STRN: variants seen among roughly 807,000 people sequenced by gnomAD.
STRN encodes striatin.
Under a neutral mutation model 96.3 loss-of-function variants are expected in STRN, and 53 were observed. The ratio of observed to expected loss-of-function variants is 0.55; its 90% CI spans 0.44 to 0.69. The LOEUF is 0.69. Ranked by LOEUF, STRN falls within the 30% of genes least tolerant of loss-of-function variation. The pLI is 0.00. For missense variants in STRN, 987 were observed against 963.9 expected, an observed-to-expected ratio of 1.02 and a Z score of -0.32; for synonymous variants, 428 against 355.9, an observed-to-expected ratio of 1.20 and a Z score of -2.28.
At chr2:36,927,969 A>G (rs1208956994) in intron 1 of STRN, among the ~76,000 whole-genome samples, 3 of 152,222 alleles carry the variant, frequency 2.0e-5, no homozygotes, top group Non-Finnish European at 4.4e-5. Flanking sequence ...ATGACCACCT[A>G]AAGGAGACTG....
chr2:36,907,197 T>C (rs558044402), intron 3 of STRN, among the ~76,000 whole-genome samples: 1 of 152,322 alleles, frequency 6.6e-6, no homozygotes, highest in South Asian at 2.1e-4. Context: ...CTTTATAGGA[T>C]CTTATTCAAG....
intron 1 of STRN, among the ~76,000 whole-genome samples, chr2:36,933,424 AG>A (rs1670623946): frequency 6.6e-6 from 1 of 152,210 alleles, no homozygotes; most frequent in Non-Finnish European, 1.5e-5. Context: ...CATATGTAGA[AG>A]AAAAGAGAGA....
At chr2:36,887,167 G>A (rs540910407) in intron 7 of STRN, among the ~76,000 whole-genome samples, 5 of 151,262 alleles carry the variant, frequency 3.3e-5, no homozygotes, top group African/African-American at 7.3e-5. Flanking sequence ...GGTGGCTCAC[G>A]CCTATAATTC....
intron 10 of STRN, among the ~76,000 whole-genome samples, chr2:36,871,416 G>C (rs1668760278): frequency 6.6e-6 from 1 of 152,144 alleles, no homozygotes; most frequent in South Asian, 2.1e-4. Context: ...TTGTGTTACA[G>C]TTGCCTACAG....
intron 2 of STRN, among the ~76,000 whole-genome samples, chr2:36,919,659 G>C (rs766244890): frequency 3.3e-5 from 5 of 152,182 alleles, no homozygotes; most frequent in Non-Finnish European, 7.3e-5. Context: ...TATCATATTT[G>C]TGTTTTAGAA....
chr2:36,886,517 A>G (rs1229207829), intron 8 of STRN, among the ~76,000 whole-genome samples, 199 bp downstream of exon 8: 2 of 152,196 alleles, frequency 1.3e-5, no homozygotes, highest in African/African-American at 2.4e-5. Context: ...TTCCATAAGT[A>G]CATGTGGGTT....
Position 36,855,307 on chromosome 2 carries a change from C to T in STRN, c.1883G>A (p.Ser628Asn), listed in dbSNP as rs374304410. ...ASVDLVSSDPSHMVASFSKGY... is the reference protein window; with the variant it reads ...ASVDLVSSDPNHMVASFSKGY... ...CTTGCTGAATGATGCTACCATATGGCTCGGGTCACTGCTCACTAGATCCAC... is the reference window on the plus strand; with the variant it reads ...CTTGCTGAATGATGCTACCATATGGTTCGGGTCACTGCTCACTAGATCCAC... Residue 628 changes from serine (S) to asparagine (N), a missense_variant, in exon 15 of 18, where the codon AGC (serine) becomes AAC (asparagine). Coordinates refer to ENST00000263918, the MANE Select transcript of STRN (RefSeq NM_003162.4). 17 of 1,613,646 alleles carry T rather than the reference C, an allele frequency of 1.1e-5. No individual in the cohort carries two copies. Among genetic ancestry groups the T allele is most frequent in the African/African-American group, 1.3e-5 (1 of 74,870 alleles).
intron 1 of STRN, among the ~76,000 whole-genome samples, chr2:36,952,565 G>T (rs1282217442): frequency 6.6e-6 from 1 of 151,832 alleles, no homozygotes; most frequent in Non-Finnish European, 1.5e-5. Flanking sequence ...TCTCACCTAT[G>T]CATTTGGGAA....
intron 2 of STRN, among the ~76,000 whole-genome samples, chr2:36,924,046 G>A (rs1257856112): frequency 1.3e-5 from 2 of 152,002 alleles, no homozygotes; most frequent in African/African-American, 4.8e-5. Flanking sequence ...AGACAGCAGA[G>A]GAACAAAATA....
intron 10 of STRN, among the ~76,000 whole-genome samples, chr2:36,874,238 T>C (rs1271018659): frequency 1.4e-5 from 2 of 148,130 alleles, no homozygotes; most frequent in Non-Finnish European, 3.0e-5. Flanking sequence ...CACTACAGCC[T>C]GGGCGACAAA....
intron 12 of STRN, among the ~76,000 whole-genome samples, chr2:36,863,293 C>T (rs1668540850): frequency 6.6e-6 from 1 of 151,926 alleles, no homozygotes; most frequent in Non-Finnish European, 1.5e-5. Context: ...TTTTCTTCAA[C>T]TTTTTTTAGT....
chr2:36,931,046 A>G (rs1467618055), intron 1 of STRN, among the ~76,000 whole-genome samples: 1 of 151,986 alleles, frequency 6.6e-6, no homozygotes, highest in Non-Finnish European at 1.5e-5. Flanking sequence ...AAAAAAGAAA[A>G]AGAAAGAAGC....
intron 12 of STRN, among the ~76,000 whole-genome samples, chr2:36,866,106 G>A (rs139126376): frequency 4.8e-4 from 73 of 152,040 alleles, no homozygotes; most frequent in African/African-American, 1.6e-3. Context: ...GGTATCGCTC[G>A]CTCTGTTTCC....
chr2:36,892,984 C>G (rs1470006744), intron 7 of STRN, among the ~76,000 whole-genome samples: 1 of 151,968 alleles, frequency 6.6e-6, no homozygotes, highest in Non-Finnish European at 1.5e-5. Flanking sequence ...CACGCCACTG[C>G]ACTCAAGCCT....
At chr2:36,938,582 G>A (rs1264490778) in intron 1 of STRN, among the ~76,000 whole-genome samples, 5 of 152,126 alleles carry the variant, frequency 3.3e-5, no homozygotes, top group African/African-American at 2.4e-5. Flanking sequence ...ACTGGTGTTT[G>A]CTATTTGCAT....
rs1002103942 is a variant in STRN at position 36,844,520 on chromosome 2, A to T, written c.*4936T>A. ...AATTAAAATGATTTTGAAAATTTGC[A>T]TCAGAGAGATGACAAGCATGTGGTC... On this transcript the variant is annotated 3_prime_UTR_variant, in exon 18 of 18. Transcript: ENST00000263918. The T allele has an allele frequency of 1.3e-5, 2 of 152,156 alleles. No homozygotes were observed. Among genetic ancestry groups the T allele is most frequent in the African/African-American group, 4.8e-5 (2 of 41,430 alleles). The allele number at this position is 152,156 out of a possible 1,614,324, so 9.4% of individuals were successfully genotyped here.
chr2:36,848,237 A>C lies in STRN; in HGVS notation c.*1219T>G, dbSNP rs958105847. 43 of 149,982 alleles carry C rather than the reference A, an allele frequency of 2.9e-4. No homozygotes were observed. The highest frequency in any genetic ancestry group is 1.0e-3 in the African/African-American group (42 of 41,200). The allele number at this position is 149,982 out of a possible 1,614,324, so 9.3% of individuals were successfully genotyped here. A position where few individuals can be genotyped will look rare whatever the true frequency, so the allele number is the denominator to read the frequency against. ...TAAACAATGGGGGAGGAATAGGGAGAGAGAAAGACAGAACTTTTTAGCCAA... is the reference window on the plus strand; with the variant it reads ...TAAACAATGGGGGAGGAATAGGGAGCGAGAAAGACAGAACTTTTTAGCCAA... On this transcript the variant is annotated 3_prime_UTR_variant, in exon 18 of 18. Transcript: ENST00000263918.
At position 36,966,522 on chromosome 2, in the gene STRN, G is replaced by C; in HGVS notation, c.-59C>G. On this transcript the variant is annotated 5_prime_UTR_variant, in exon 1 of 18. Coordinates refer to ENST00000263918, the MANE Select transcript of STRN (RefSeq NM_003162.4). ...GCCCAGCAGCGGAGGCAACAGCGGC[G>C]GCAAGCAGCGCCTCCTCCTCCCTCC... 1 of 1,363,764 alleles carries C rather than the reference G, an allele frequency of 7.3e-7. No individual in the cohort carries two copies. The highest frequency in any genetic ancestry group is 1.5e-5 in the African/African-American group (1 of 65,216). 84.5% of individuals were successfully genotyped at this position (1,363,764 alleles called of 1,614,324 possible).
intron 6 of STRN, among the ~76,000 whole-genome samples, chr2:36,896,595 A>G (rs1273761960): frequency 6.6e-6 from 1 of 152,212 alleles, no homozygotes; most frequent in Non-Finnish European, 1.5e-5. Flanking sequence ...AGGATGCCTA[A>G]GTAGATTAGA....
Sources: gnomAD v4.1 joint callset for allele counts (sites outside exome capture counted in the v4.1 genomes callset) on GRCh38, gnomAD v4.1.1 for gene constraint, MANE v1.5 for transcripts, NCBI Gene and HGNC (gene_info 2026-07-23, HGNC 2026-07-21) for gene names.